ARPC2: variants seen among roughly 807,000 people sequenced by gnomAD.
The protein encoded by ARPC2 is actin related protein 2/3 complex subunit 2.
ARPC2 carries 4 observed loss-of-function variants against 38.6 expected under a neutral mutation model. The ratio of observed to expected loss-of-function variants is 0.10; its 90% CI spans 0.05 to 0.24. The LOEUF (loss-of-function observed/expected upper bound fraction) is 0.24. Among genes scored for constraint, ARPC2 ranks in the 10% least tolerant of loss-of-function variants. The pLI, the probability that ARPC2 is intolerant of heterozygous loss-of-function variation, is 1.00. For missense variants in ARPC2, 229 were observed against 387.3 expected (o/e 0.59, Z 3.43); for synonymous variants, 125 against 140.8 (o/e 0.89, Z 0.79).
At chr2:218,225,890 T>C in intron 2 of ARPC2, 30 bp from the exon 3 acceptor site, 1 of 1,612,582 alleles carries the variant, frequency 6.2e-7, no homozygotes, top group Non-Finnish European at 8.5e-7. Flanking sequence ...TACAGTCATC[T>C]TAACTGAGGA....
chr2:218,246,158 A>G (rs747302013), intron 8 of ARPC2, among the ~76,000 whole-genome samples: 1 of 151,754 alleles, frequency 6.6e-6, no homozygotes, highest in Non-Finnish European at 1.5e-5. Flanking sequence ...TGGAGGTTGT[A>G]ATGAGCTGAG....
intron 3 of ARPC2, chr2:218,227,132 GC>G (rs765062351): frequency 1.6e-4 from 67 of 410,364 alleles, no homozygotes; most frequent in Non-Finnish European, 3.1e-4. Flanking sequence ...CTACTAACTG[GC>G]ATTGCCAGAT....
At chr2:218,234,269 G>C (rs1448597925) in intron 4 of ARPC2, 83 bp from the exon 5 acceptor site, 1 of 1,072,702 alleles carries the variant, frequency 9.3e-7, no homozygotes, top group East Asian at 2.4e-5. Flanking sequence ...GAAGAGCTTG[G>C]CAAGTGCAGT....
intron 8 of ARPC2, among the ~76,000 whole-genome samples, chr2:218,247,136 G>T (rs1690057798): frequency 1.3e-5 from 2 of 152,122 alleles, no homozygotes; most frequent in Admixed American, 6.6e-5. Context: ...CCAAAAAAAG[G>T]AGTTAAGAAG....
Position 218,253,879 on chromosome 2 carries a change from C to G in ARPC2, c.879-12C>G, listed in dbSNP as rs776421646. ...CAGAAACTGACCTTCGCACTTATCT[C>G]TCCTTTTGAAGGGGGAAGACGTTTT... is the stretch of plus-strand genomic sequence containing the variant. On this transcript the variant is annotated splice_polypyrimidine_tract_variant and intron_variant, in intron 10 of 10. Coordinates refer to ENST00000315717, the MANE Select transcript of ARPC2 (RefSeq NM_152862.3). 1.2e-6 allele frequency: 2 copies of G among 1,613,856 alleles called. No individual in the cohort carries two copies. The highest frequency in any genetic ancestry group is 1.7e-6 in the Non-Finnish European group (2 of 1,179,950).
At chr2:218,246,827 T>C (rs540049840) in intron 8 of ARPC2, among the ~76,000 whole-genome samples, 1 of 152,128 alleles carries the variant, frequency 6.6e-6, no homozygotes, top group African/African-American at 2.4e-5. Flanking sequence ...AAAAATTAGT[T>C]GGACATGGTG....
chr2:218,249,277 G>A, intron 8 of ARPC2, 87 bp from the exon 9 acceptor site: 1 of 853,642 alleles, frequency 1.2e-6, no homozygotes, highest in Non-Finnish European at 1.9e-6. Flanking sequence ...AGCAGAGAGG[G>A]AGTGATGTTC....
intron 10 of ARPC2, among the ~76,000 whole-genome samples, chr2:218,250,872 TG>T (rs936932377): frequency 6.6e-6 from 1 of 151,904 alleles, no homozygotes; most frequent in African/African-American, 2.4e-5. Context: ...TGTTTTTTGG[TG>T]GGGGTGTTGG....
chr2:218,238,311 G>A (rs1689821565), intron 5 of ARPC2, among the ~76,000 whole-genome samples: 1 of 152,136 alleles, frequency 6.6e-6, no homozygotes, highest in African/African-American at 2.4e-5. Flanking sequence ...TTTCCAATCA[G>A]AGTTCCCAGG....
chr2:218,225,150 C>A (rs1381336840), intron 2 of ARPC2, among the ~76,000 whole-genome samples: 2 of 152,028 alleles, frequency 1.3e-5, no homozygotes, highest in African/African-American at 4.8e-5. Context: ...CATTTTTATT[C>A]CCCCATTTTA....
intron 7 of ARPC2, among the ~76,000 whole-genome samples, chr2:218,240,658 G>A (rs1051026185): frequency 2.0e-5 from 3 of 152,084 alleles, no homozygotes; most frequent in Non-Finnish European, 2.9e-5. Context: ...GTGGGAGGCC[G>A]AGGTGGGCGG....
intron 10 of ARPC2, among the ~76,000 whole-genome samples, chr2:218,250,679 A>T (rs75338969): frequency 0.013 from 2,018 of 150,226 alleles, 16 homozygotes; most frequent in Admixed American, 0.026. Flanking sequence ...AAAAAAAAAA[A>T]ATTTGAGGAG....
At chr2:218,251,442 G>GA (rs1370961343) in intron 10 of ARPC2, among the ~76,000 whole-genome samples, 2 of 152,058 alleles carry the variant, frequency 1.3e-5, no homozygotes, top group African/African-American at 4.8e-5. Flanking sequence ...TTGAACTGCT[G>GA]ACCTCGTGAT....
intron 7 of ARPC2, among the ~76,000 whole-genome samples, chr2:218,241,506 ATTGGG>A (rs1453184532): frequency 1.3e-5 from 2 of 152,238 alleles, no homozygotes; most frequent in African/African-American, 4.8e-5. Context: ...TAGCTCAGAA[ATTGGG>A]CTAAATCCAG....
intron 5 of ARPC2, 35 bp downstream of exon 5, chr2:218,234,432 G>A: frequency 4.0e-6 from 6 of 1,492,786 alleles, no homozygotes; most frequent in Non-Finnish European, 5.5e-6. Flanking sequence ...GGAATGACAT[G>A]GGAAGAGAGG....
chr2:218,239,719 G>A (rs1244134516), intron 7 of ARPC2, among the ~76,000 whole-genome samples: 1 of 151,190 alleles, frequency 6.6e-6, no homozygotes, highest in Non-Finnish European at 1.5e-5. Context: ...TCAACCTCCT[G>A]AGTAGCTGGG....
intron 4 of ARPC2, chr2:218,233,811 G>A (rs753636602): frequency 2.6e-5 from 4 of 152,290 alleles, no homozygotes; most frequent in Non-Finnish European, 5.9e-5. Context: ...TGTAGGATCT[G>A]GAGGAGAACA....
chr2:218,238,916 G>T, intron 6 of ARPC2, 66 bp downstream of exon 6: 2 of 1,282,706 alleles, frequency 1.6e-6, no homozygotes, highest in Non-Finnish European at 2.2e-6. Context: ...CTTACTGAAA[G>T]AAATATGGCT....
At chr2:218,219,263 TC>T (rs1689329361) in intron 2 of ARPC2, among the ~76,000 whole-genome samples, 1 of 152,208 alleles carries the variant, frequency 6.6e-6, no homozygotes, top group African/African-American at 2.4e-5. Context: ...TCTTTCTTTT[TC>T]TTTTAGAAAA....
Sources: allele counts gnomAD v4.1 joint callset (sites outside exome capture counted in the v4.1 genomes callset), GRCh38; gene constraint gnomAD v4.1.1; transcripts MANE v1.5; gene names NCBI Gene and HGNC (gene_info 2026-07-23, HGNC 2026-07-21).